Variants in SLIT1 observed in about 807,000 individuals in gnomAD.
SLIT1 encodes slit homolog 1 protein.
Under a neutral mutation model 186.1 loss-of-function variants are expected in SLIT1, and 66 were observed. The ratio of observed to expected loss-of-function variants is 0.35; its 90% confidence interval spans 0.29 to 0.44. The LOEUF is 0.44. SLIT1 is among the 20% of genes least tolerant of loss of function. The pLI, the probability that SLIT1 is intolerant of heterozygous loss-of-function variation, is 1.00. For missense variants in SLIT1, 1,638 were observed against 2,037.4 expected (o/e 0.80, Z 3.77); for synonymous variants, 761 against 833.8 (o/e 0.91, Z 1.50).
Position 97,023,217 on chromosome 10 carries a change from ATT to A in SLIT1, c.2583-1806_2583-1805del, listed in dbSNP as rs575450528. Among the ~76,000 whole-genome samples the A allele has an allele frequency of 3.7e-4, 49 of 133,370 alleles. 1 individual carries two copies. The highest frequency in any genetic ancestry group is 9.5e-4 in the African/African-American group (34 of 35,766). The allele number at this position is 133,370 out of a possible 152,430, so 87.5% of individuals were successfully genotyped here. A position where few individuals can be genotyped will look rare whatever the true frequency, so the allele number is the denominator to read the frequency against. On this transcript the variant is annotated intron_variant, in intron 25 of 36. Coordinates refer to ENST00000266058, the MANE Select transcript of SLIT1 (RefSeq NM_003061.3). ...CAGCGTACACTACCACGCCCACCTA[ATT>A]TTTTTTTTTTTTTTTTTGTATTTTT...
At chr10:97,033,563 C>T (rs1848610622) in intron 23 of SLIT1, among the ~76,000 whole-genome samples, 1 of 152,160 alleles carries the variant, frequency 6.6e-6, no homozygotes, top group South Asian at 2.1e-4. Context: ...TCCAAAGGAA[C>T]ATTACCTAGC....
chr10:97,135,665 G>A (rs1441792223), intron 4 of SLIT1, among the ~76,000 whole-genome samples: 3 of 152,184 alleles, frequency 2.0e-5, no homozygotes, highest in African/African-American at 7.2e-5. Flanking sequence ...CAGCCCTCAG[G>A]GCACTCTGAC....
chr10:97,027,041 C>A (rs1426496594), intron 25 of SLIT1, among the ~76,000 whole-genome samples: 1 of 152,178 alleles, frequency 6.6e-6, no homozygotes, highest in Non-Finnish European at 1.5e-5. Flanking sequence ...CTCCACACTG[C>A]GAGTGGACAG....
Position 97,000,431 on chromosome 10 carries a change from C to A in SLIT1, c.*681G>T, listed in dbSNP as rs377020080. ...AGCCCTCGCAGCTACAGTAGTCATG[C>A]TAGAACTTTAGGATTCAGAGGCCTG... On this transcript the variant is annotated 3_prime_UTR_variant, in exon 37 of 37. Coordinates refer to ENST00000266058, the MANE Select transcript of SLIT1 (RefSeq NM_003061.3). 1 of 152,372 alleles carries A rather than the reference C, an allele frequency of 6.6e-6. No individual in the cohort carries two copies. Among genetic ancestry groups the A allele is most frequent in the East Asian group, 1.9e-4 (1 of 5,194 alleles). The allele number at this position is 152,372 out of a possible 1,614,324, so 9.4% of individuals were successfully genotyped here. A position where few individuals can be genotyped will look rare whatever the true frequency, so the allele number is the denominator to read the frequency against.
rs1848266764 is a variant in SLIT1 at position 96,998,355 on chromosome 10, CAA to C, written c.*2755_*2756del. ...CTTTTGCGGTTAGGCTACCAGCAGGCAAAGAGGAGACAAAGTCCAGCCTTTTC... is the reference window on the plus strand; with the variant it reads ...CTTTTGCGGTTAGGCTACCAGCAGGCAGAGGAGACAAAGTCCAGCCTTTTC... On this transcript the variant is annotated 3_prime_UTR_variant, in exon 37 of 37. Transcript: ENST00000266058. The C allele has an allele frequency of 6.6e-6, 1 of 152,206 alleles. No homozygotes were observed. Among genetic ancestry groups the C allele is most frequent in the South Asian group, 2.1e-4 (1 of 4,834 alleles). The allele number at this position is 152,206 out of a possible 1,614,324, so 9.4% of individuals were successfully genotyped here.
At chr10:97,038,602 C>T (rs1848662754) in intron 21 of SLIT1, among the ~76,000 whole-genome samples, 1 of 152,192 alleles carries the variant, frequency 6.6e-6, no homozygotes, top group East Asian at 1.9e-4. Context: ...TTCATGCCTC[C>T]AGCCTGAAGG....
intron 1 of SLIT1, among the ~76,000 whole-genome samples, chr10:97,171,623 C>A (rs1382078357): frequency 6.6e-6 from 1 of 152,092 alleles, no homozygotes; most frequent in Admixed American, 6.5e-5. Flanking sequence ...AGTTTGAGAC[C>A]AGCCTGGCCA....
intron 28 of SLIT1, among the ~76,000 whole-genome samples, chr10:97,015,226 T>C (rs1338592513): frequency 6.6e-6 from 1 of 152,172 alleles, no homozygotes; most frequent in East Asian, 1.9e-4. Context: ...GGACAAGCCC[T>C]CCAGGTAGAA....
At chr10:97,065,347 G>T (rs1171082077) in intron 5 of SLIT1, among the ~76,000 whole-genome samples, 1 of 152,206 alleles carries the variant, frequency 6.6e-6, no homozygotes, top group Non-Finnish European at 1.5e-5. Context: ...CTGTGGGAAA[G>T]AATGTGGTGA....
intron 1 of SLIT1, among the ~76,000 whole-genome samples, chr10:97,179,794 A>ACCCC: frequency 9.4e-6 from 1 of 106,830 alleles, no homozygotes; most frequent in Non-Finnish European, 2.1e-5. Flanking sequence ...CCAATTCTCC[A>ACCCC]CACCCTCCCC....
chr10:97,020,562 G>A (rs1400588846), intron 26 of SLIT1, among the ~76,000 whole-genome samples: 1 of 152,230 alleles, frequency 6.6e-6, no homozygotes, highest in Non-Finnish European at 1.5e-5. Context: ...GTGGCCCAGG[G>A]CCTCCTCATT....
chr10:97,128,834 G>C (rs1849627415), intron 4 of SLIT1, among the ~76,000 whole-genome samples: 1 of 152,140 alleles, frequency 6.6e-6, no homozygotes, highest in Non-Finnish European at 1.5e-5. Context: ...CATACTCAAT[G>C]ATGTTCAGGC....
intron 22 of SLIT1, among the ~76,000 whole-genome samples, chr10:97,037,084 GTGTGTGTGTGTGTGTA>G (rs1302811795): frequency 5.6e-4 from 84 of 150,392 alleles, no homozygotes; most frequent in South Asian, 1.1e-3. Flanking sequence ...GTGTGTGTGT[GTGTGTGTGTGTGTGTA>G]TGTGTGTGTG....
chr10:97,058,258 G>A (rs757259425), intron 11 of SLIT1, among the ~76,000 whole-genome samples: 10 of 152,212 alleles, frequency 6.6e-5, no homozygotes, highest in Non-Finnish European at 1.2e-4. Flanking sequence ...GAAGCAGGGA[G>A]GCAAGGTCAG....
At chr10:97,141,794 A>G (rs1464655620) in intron 4 of SLIT1, among the ~76,000 whole-genome samples, 7 of 151,532 alleles carry the variant, frequency 4.6e-5, no homozygotes, top group Admixed American at 4.6e-4. Flanking sequence ...ATTGTACTGT[A>G]TTGTATTGTA....
At chr10:97,008,182 G>T (rs778502945) in intron 31 of SLIT1, among the ~76,000 whole-genome samples, 4 of 152,120 alleles carry the variant, frequency 2.6e-5, no homozygotes, top group Non-Finnish European at 5.9e-5. Flanking sequence ...CAGCAAGATT[G>T]TAGAATACCA....
At chr10:97,111,877 C>T (rs1046380105) in intron 4 of SLIT1, among the ~76,000 whole-genome samples, 1 of 152,132 alleles carries the variant, frequency 6.6e-6, no homozygotes, top group African/African-American at 2.4e-5. Context: ...GTCCAGGGAC[C>T]ACAGGATGCT....
chr10:97,004,642 C>T lies in SLIT1; in HGVS notation c.3710+51G>A. 1 of 1,610,440 alleles carries T rather than the reference C, an allele frequency of 6.2e-7. No individual in the cohort carries two copies. Among genetic ancestry groups the T allele is most frequent in the South Asian group, 1.1e-5 (1 of 90,782 alleles). ...TGCTTTTGGCCCAGGAGACCTCGCC[C>T]TGGCAGTCCCGTACCCCTGAGGGCA... On this transcript the variant is annotated intron_variant, in intron 33 of 36. Transcript: ENST00000266058. This position sits in a 1 kb window ranked among gnomAD's most constrained non-coding sequence, Gnocchi z 5.1.
chr10:97,067,460 G>A (rs113321659), intron 4 of SLIT1, among the ~76,000 whole-genome samples: 12 of 152,302 alleles, frequency 7.9e-5, no homozygotes, highest in Admixed American at 1.3e-4. Context: ...TCCCAGGAGC[G>A]TGGCGTGGAT....
Sources: allele counts gnomAD v4.1 joint callset (sites outside exome capture counted in the v4.1 genomes callset), GRCh38; gene constraint gnomAD v4.1.1; non-coding constraint Gnocchi (gnomAD v3.1); transcripts MANE v1.5; gene names NCBI Gene and HGNC (gene_info 2026-07-23, HGNC 2026-07-21).